Variants in NKAIN2 observed in about 807,000 individuals in gnomAD.
NKAIN2 encodes sodium/potassium-transporting ATPase subunit beta-1-interacting protein 2.
In NKAIN2, 14 loss-of-function variants were observed where a neutral mutation model predicts 32.6. The observed-to-expected ratio is 0.43, with a 90% CI of 0.28 to 0.67. The LOEUF (loss-of-function observed/expected upper bound fraction) is 0.67, where lower values mean the gene tolerates loss of function less well. Ranked by LOEUF, NKAIN2 falls within the 30% of genes least tolerant of loss-of-function variation. The probability of loss-of-function intolerance (pLI) is 0.17; values close to 1 mark genes in which losing one functional copy is unlikely to be tolerated. For missense variants in NKAIN2, 198 were observed against 258.3 expected, an observed-to-expected ratio of 0.77 and a Z score of 1.60; for synonymous variants, 80 against 87.2, an observed-to-expected ratio of 0.92 and a Z score of 0.46.
chr6:123,834,464 G>GT (rs1157172345), intron 1 of NKAIN2, among the ~76,000 whole-genome samples: 6 of 152,106 alleles, frequency 3.9e-5, no homozygotes, highest in South Asian at 4.1e-4. Flanking sequence ...TGTTCCAGGA[G>GT]TTTTTTTGTC....
intron 1 of NKAIN2, among the ~76,000 whole-genome samples, chr6:124,133,344 G>A (rs1194096565): frequency 1.3e-5 from 2 of 152,196 alleles, no homozygotes; most frequent in East Asian, 3.9e-4. Flanking sequence ...TAGGACAGAA[G>A]TGAGGCTGTG....
chr6:124,157,646 A>G (rs546270592), intron 1 of NKAIN2, among the ~76,000 whole-genome samples: 13 of 152,254 alleles, frequency 8.5e-5, no homozygotes, highest in Admixed American at 2.0e-4. Context: ...ATTTTTGATC[A>G]TGTACGTATG....
At chr6:124,704,577 G>A (rs1332375828) in intron 4 of NKAIN2, among the ~76,000 whole-genome samples, 1 of 151,694 alleles carries the variant, frequency 6.6e-6, no homozygotes, top group Non-Finnish European at 1.5e-5. Flanking sequence ...TAACCCTACT[G>A]GGAGAAAATA....
chr6:124,497,373 C>A (rs1446779848), intron 3 of NKAIN2, among the ~76,000 whole-genome samples: 1 of 152,120 alleles, frequency 6.6e-6, no homozygotes, highest in Non-Finnish European at 1.5e-5. Flanking sequence ...GTGTTATTAC[C>A]TCCTAGGCAC....
At chr6:124,171,948 T>G (rs809075) in intron 1 of NKAIN2, among the ~76,000 whole-genome samples, 90,179 of 148,148 alleles carry the variant, frequency 0.61, 29,030 homozygotes, top group Non-Finnish European at 0.73. Flanking sequence ...AAGCAACTGG[T>G]ACTACAGGCA....
chr6:124,196,986 G>C (rs1043400517), intron 1 of NKAIN2, among the ~76,000 whole-genome samples: 3 of 151,692 alleles, frequency 2.0e-5, no homozygotes, highest in Non-Finnish European at 4.4e-5. Flanking sequence ...TATTAAGAAG[G>C]TTGTAGTCTA....
At chr6:124,027,314 T>G (rs940556832) in intron 1 of NKAIN2, among the ~76,000 whole-genome samples, 2 of 152,056 alleles carry the variant, frequency 1.3e-5, no homozygotes, top group Admixed American at 6.6e-5. Context: ...TAATTTTTGG[T>G]ATTTTTAGTA....
At chr6:124,323,787 T>TTTC (rs1797299789) in intron 2 of NKAIN2, among the ~76,000 whole-genome samples, 1 of 146,078 alleles carries the variant, frequency 6.8e-6, no homozygotes, top group South Asian at 2.2e-4. Flanking sequence ...ATTTTTTCTT[T>TTTC]TTTTTTTTTT....
At chr6:124,775,485 A>G (rs1411966530) in intron 4 of NKAIN2, among the ~76,000 whole-genome samples, 1 of 152,222 alleles carries the variant, frequency 6.6e-6, no homozygotes, top group Non-Finnish European at 1.5e-5. Flanking sequence ...TAGTATATTC[A>G]AGTTCTGAAT....
rs1345497794 is a variant in NKAIN2, at chr6:124,324,858, T to G, written c.193-30409T>G. 2.6e-5 allele frequency among the ~76,000 whole-genome samples: 4 copies of G among 152,102 alleles called. No homozygotes were observed. In the South Asian group the frequency reaches 6.2e-4, roughly 24 times the overall value. On this transcript the variant is annotated intron_variant, in intron 2 of 6. Transcript: ENST00000368417. The stretch of plus-strand genomic sequence containing the variant: ...AATTTTTTTCTTCCTTAGCCTATTA[T>G]TATTAAATGAACTTTTCATCCCTTG...
intron 3 of NKAIN2, among the ~76,000 whole-genome samples, chr6:124,517,902 T>G (rs1778974480): frequency 1.3e-5 from 2 of 152,284 alleles, no homozygotes; most frequent in South Asian, 2.1e-4. Context: ...CTAGGAGATG[T>G]AAGTAACATT....
At chr6:124,254,396 C>T (rs937264843) in intron 1 of NKAIN2, among the ~76,000 whole-genome samples, 6 of 152,194 alleles carry the variant, frequency 3.9e-5, no homozygotes, top group African/African-American at 1.4e-4. Context: ...TATGAAGAGA[C>T]TGGCTTTTAG....
At chr6:123,933,322 G>T (rs890269278) in intron 1 of NKAIN2, among the ~76,000 whole-genome samples, 1 of 152,008 alleles carries the variant, frequency 6.6e-6, no homozygotes. Context: ...ATTTTGCAGT[G>T]ACCATTCTAA....
chr6:124,052,388 G>A (rs140569741), intron 1 of NKAIN2, among the ~76,000 whole-genome samples: 11 of 152,058 alleles, frequency 7.2e-5, no homozygotes, highest in East Asian at 5.8e-4. Context: ...TTGATCTTAC[G>A]ACATGTTTTA....
chr6:124,034,456 A>G (rs1385495441), intron 1 of NKAIN2, among the ~76,000 whole-genome samples: 1 of 151,982 alleles, frequency 6.6e-6, no homozygotes, highest in Non-Finnish European at 1.5e-5. Context: ...TGATTTCATT[A>G]TTTTTATGGC....
At chr6:124,410,958 T>C (rs2114495480) in intron 3 of NKAIN2, among the ~76,000 whole-genome samples, 1 of 152,242 alleles carries the variant, frequency 6.6e-6, no homozygotes, top group South Asian at 2.1e-4. Flanking sequence ...TCTCTTTTGA[T>C]CTTTGTTGGT....
chr6:124,802,833 T>C lies in NKAIN2; in HGVS notation c.535+11434T>C, dbSNP rs559365738. Among the ~76,000 whole-genome samples the C allele has an allele frequency of 7.2e-5, 11 of 152,366 alleles. No homozygotes were observed. The South Asian group carries it at 2.3e-3, about 32-fold the overall frequency. On this transcript the variant is annotated intron_variant, in intron 5 of 6. Transcript: ENST00000368417. ...GGAAGCTTCCCTCCACCTGAACCTA[T>C]GTTTTTCTCATGCTTTGGGTCTTCC...
intron 1 of NKAIN2, among the ~76,000 whole-genome samples, chr6:123,910,725 C>T (rs568173223): frequency 4.9e-4 from 74 of 151,774 alleles, no homozygotes; most frequent in Middle Eastern, 6.8e-3. Context: ...AGGATGGTCT[C>T]GATCTCTTGA....
At chr6:124,703,939 G>C (rs1340620608) in intron 4 of NKAIN2, among the ~76,000 whole-genome samples, 1 of 151,770 alleles carries the variant, frequency 6.6e-6, no homozygotes, top group African/African-American at 2.4e-5. Flanking sequence ...CATCTGAAAT[G>C]TATGTCTCTA....
Sources: allele counts gnomAD v4.1 joint callset (sites outside exome capture counted in the v4.1 genomes callset), GRCh38; gene constraint gnomAD v4.1.1; transcripts MANE v1.5; gene names NCBI Gene and HGNC (gene_info 2026-07-23, HGNC 2026-07-21).